Variants in ATXN7 observed in about 807,000 individuals in gnomAD.
ATXN7 encodes ataxin 7.
In ATXN7, 12 loss-of-function variants were observed where a neutral mutation model predicts 70.5. The ratio of observed to expected loss-of-function variants is 0.17; its 90% CI spans 0.11 to 0.28. ATXN7 has a LOEUF of 0.28. Ranked by LOEUF, ATXN7 falls within the 10% of genes least tolerant of loss-of-function variation. ATXN7 has a pLI of 1.00. For synonymous variants in ATXN7, 498 were observed against 448.7 expected (o/e 1.11, Z -1.39); for missense variants, 1,256 against 1,131.7 (o/e 1.11, Z -1.58).
intron 4 of ATXN7, among the ~76,000 whole-genome samples, chr3:63,918,285 A>T (rs1275596195): frequency 6.6e-6 from 1 of 152,210 alleles, no homozygotes; most frequent in Non-Finnish European, 1.5e-5. Flanking sequence ...CCTAGGGGAA[A>T]AAAATGGTTC....
At chr3:63,962,908 C>CT (rs71631179) in intron 5 of ATXN7, among the ~76,000 whole-genome samples, 5,570 of 136,256 alleles carry the variant, frequency 0.041, 142 homozygotes, top group Non-Finnish European at 0.06. Flanking sequence ...TTTTGTATTT[C>CT]TTTTTTTTTT....
At chr3:63,943,557 A>G (rs921396394) in intron 4 of ATXN7, among the ~76,000 whole-genome samples, 3 of 152,288 alleles carry the variant, frequency 2.0e-5, no homozygotes, top group African/African-American at 7.2e-5. Context: ...GCATTTACAT[A>G]TATTCGTGTA....
intron 4 of ATXN7, among the ~76,000 whole-genome samples, chr3:63,949,993 A>G (rs1432680271): frequency 1.3e-5 from 2 of 152,204 alleles, no homozygotes; most frequent in African/African-American, 4.8e-5. Flanking sequence ...CCTGGCACAT[A>G]GTAGTCTCTC....
chr3:63,910,558 C>T (rs1166465714), intron 2 of ATXN7, among the ~76,000 whole-genome samples: 1 of 152,138 alleles, frequency 6.6e-6, no homozygotes, highest in Non-Finnish European at 1.5e-5. Context: ...TAGGGGTCAT[C>T]TAAGCTATGT....
intron 8 of ATXN7, among the ~76,000 whole-genome samples, chr3:63,983,456 G>A (rs13065374): frequency 0.049 from 7,483 of 151,998 alleles, 239 homozygotes; most frequent in African/African-American, 0.084. Flanking sequence ...TAAAAAATCT[G>A]TGATTTTGAA....
chr3:63,891,567 CCCT>C (rs771631230), intron 1 of ATXN7, among the ~76,000 whole-genome samples: 4 of 152,100 alleles, frequency 2.6e-5, no homozygotes, highest in Admixed American at 6.6e-5. Context: ...AAGGGATCCT[CCCT>C]CCTCAGCCTC....
intron 2 of ATXN7, 104 bp from the exon 3 acceptor site, chr3:63,912,484 C>T (rs1704067176): frequency 2.7e-6 from 2 of 731,948 alleles, no homozygotes; most frequent in Non-Finnish European, 3.4e-6. Flanking sequence ...TGTCAGCGTG[C>T]CCCACCCGGT....
chr3:63,966,414 A>C (rs539920964), intron 5 of ATXN7, among the ~76,000 whole-genome samples: 1 of 152,268 alleles, frequency 6.6e-6, no homozygotes, highest in African/African-American at 2.4e-5. Flanking sequence ...ATTAACTTAA[A>C]ATTCTTATTT....
rs1704076543 is a variant in ATXN7 at position 63,912,637 on chromosome 3, G to A, written c.39G>A (p.Pro13=). The A allele has an allele frequency of 1.9e-6, 2 of 1,048,574 alleles. No individual in the cohort carries two copies. The highest frequency in any genetic ancestry group is 2.3e-6 in the Non-Finnish European group (2 of 863,952). 65.0% of individuals were successfully genotyped at this position (1,048,574 alleles called of 1,614,324 possible). Residue 13 remains proline, a synonymous_variant, in exon 3 of 13, where the codon CCG becomes CCA. Coordinates refer to ENST00000674280, the MANE Select transcript of ATXN7 (RefSeq NM_001377405.1). ...CCGCGGATGACGTCAGGGGGGAGCC[G>A]CGCCGCGCGGCGGCGGCGGCGGGCG... The part of the protein sequence containing the change: ...ERAADDVRGE[P]RRAAAAAGGA...
intron 5 of ATXN7, among the ~76,000 whole-genome samples, chr3:63,976,552 G>A (rs2075391413): frequency 6.6e-6 from 1 of 152,164 alleles, no homozygotes; most frequent in African/African-American, 2.4e-5. Flanking sequence ...TACATCAGCA[G>A]ACTTTTAACT....
At chr3:63,916,842 T>C (rs1456752951) in intron 4 of ATXN7, among the ~76,000 whole-genome samples, 1 of 152,238 alleles carries the variant, frequency 6.6e-6, no homozygotes, top group Non-Finnish European at 1.5e-5. Flanking sequence ...TTCTGTAATT[T>C]GCAATATTAG....
chr3:63,943,591 A>G (rs747358484), intron 4 of ATXN7, among the ~76,000 whole-genome samples: 1 of 152,196 alleles, frequency 6.6e-6, no homozygotes, highest in Non-Finnish European at 1.5e-5. Context: ...TCTGTGAGGT[A>G]GGTACTTTGA....
intron 7 of ATXN7, 84 bp downstream of exon 7, chr3:63,982,529 A>T (rs1367358779): frequency 1.6e-6 from 2 of 1,213,692 alleles, no homozygotes; most frequent in African/African-American, 3.1e-5. Flanking sequence ...GCAATCTAGA[A>T]TTCCTATTTT....
chr3:63,958,923 A>C (rs1159991804), intron 5 of ATXN7, among the ~76,000 whole-genome samples: 1 of 152,154 alleles, frequency 6.6e-6, no homozygotes, highest in East Asian at 1.9e-4. Context: ...GTATAGAGTA[A>C]AAAAAATTCG....
chr3:63,877,060 G>A (rs115536519), intron 1 of ATXN7, among the ~76,000 whole-genome samples: 10 of 151,942 alleles, frequency 6.6e-5, no homozygotes, highest in Non-Finnish European at 1.2e-4. Context: ...ATTTTGAATG[G>A]TTTTTTTAAT....
chr3:63,953,865 C>G (rs2074995570), intron 5 of ATXN7, among the ~76,000 whole-genome samples: 1 of 151,986 alleles, frequency 6.6e-6, no homozygotes, highest in Non-Finnish European at 1.5e-5. Context: ...CCAGGCTGGT[C>G]TCGAACTCCT....
At chr3:63,960,436 A>G (rs535762009) in intron 5 of ATXN7, among the ~76,000 whole-genome samples, 2 of 152,304 alleles carry the variant, frequency 1.3e-5, no homozygotes, top group Admixed American at 1.3e-4. Context: ...TGGTTGCTGT[A>G]TGGAACACGG....
chr3:63,888,731 G>A (rs1470077237), intron 1 of ATXN7, among the ~76,000 whole-genome samples: 7 of 152,052 alleles, frequency 4.6e-5, no homozygotes, highest in African/African-American at 1.7e-4. Context: ...AGTCGAGATC[G>A]TGCCAGTGCA....
chr3:63,884,198 C>T (rs1236727404), intron 1 of ATXN7, among the ~76,000 whole-genome samples: 2 of 81,994 alleles, frequency 2.4e-5, no homozygotes, highest in African/African-American at 8.8e-5. Flanking sequence ...AAGAAAATAA[C>T]ATGCGCACAC....
Sources: allele counts gnomAD v4.1 joint callset (sites outside exome capture counted in the v4.1 genomes callset), GRCh38; gene constraint gnomAD v4.1.1; transcripts MANE v1.5; gene names NCBI Gene and HGNC (gene_info 2026-07-23, HGNC 2026-07-21).